MAST4: variants seen among roughly 807,000 people sequenced by gnomAD.
MAST4 encodes the protein microtubule-associated serine/threonine-protein kinase 4.
In MAST4, 89 loss-of-function variants were observed where a neutral mutation model predicts 162.7. That is an observed-to-expected ratio of 0.55 (90% CI 0.46 to 0.65). The LOEUF (loss-of-function observed/expected upper bound fraction) is 0.65, where lower values mean the gene tolerates loss of function less well. MAST4 is among the 30% of genes least tolerant of loss of function. The probability of loss-of-function intolerance (pLI) is 0.00; values close to 1 mark genes in which losing one functional copy is unlikely to be tolerated. For missense variants in MAST4, 3,153 were observed against 3,374.0 expected (o/e 0.93, Z 1.62); for synonymous variants, 1,479 against 1,361.1 (o/e 1.09, Z -1.91).
chr5:66,929,570 G>A (rs1833867), intron 4 of MAST4, among the ~76,000 whole-genome samples: 21,166 of 152,100 alleles, frequency 0.14, 2,717 homozygotes, highest in African/African-American at 0.34. Context: ...TAATGATAAA[G>A]CTCTGCTTTT....
intron 3 of MAST4, among the ~76,000 whole-genome samples, chr5:66,863,252 C>G (rs993384989): frequency 6.6e-6 from 1 of 152,212 alleles, no homozygotes; most frequent in Non-Finnish European, 1.5e-5. Flanking sequence ...AACTACTGTA[C>G]AGCTTCCCCG....
chr5:66,768,771 T>C (rs1361515463), intron 2 of MAST4, among the ~76,000 whole-genome samples: 1 of 152,214 alleles, frequency 6.6e-6, no homozygotes, highest in Non-Finnish European at 1.5e-5. Flanking sequence ...TTTTTCAAGA[T>C]GTTACCATTG....
intron 3 of MAST4, among the ~76,000 whole-genome samples, chr5:66,816,917 C>G (rs919167261): frequency 1.3e-5 from 2 of 152,010 alleles, no homozygotes; most frequent in Non-Finnish European, 2.9e-5. Context: ...TATAAAAGAC[C>G]CTCCAGTGAT....
chr5:67,154,836 A>G (rs1027262203), intron 26 of MAST4, among the ~76,000 whole-genome samples: 1 of 152,246 alleles, frequency 6.6e-6, no homozygotes, highest in Non-Finnish European at 1.5e-5. Flanking sequence ...CTTCCCAGTG[A>G]ACTGTGTAAT....
chr5:66,759,962 G>A, intron 2 of MAST4, 100 bp downstream of exon 2: 6 of 1,263,370 alleles, frequency 4.7e-6, no homozygotes, highest in Non-Finnish European at 5.4e-6. Context: ...TTAAGAATGG[G>A]CCTGCCTCTG....
chr5:66,731,162 CATAGGG>C (rs949593602), intron 1 of MAST4, among the ~76,000 whole-genome samples: 1 of 152,070 alleles, frequency 6.6e-6, no homozygotes, highest in African/African-American at 2.4e-5. Flanking sequence ...TTGGAGCTCC[CATAGGG>C]ATACACAATT....
At chr5:67,061,151 A>C (rs948315545) in intron 5 of MAST4, among the ~76,000 whole-genome samples, 2 of 140,224 alleles carry the variant, frequency 1.4e-5, no homozygotes, top group Non-Finnish European at 3.0e-5. Context: ...TTTTTCCTGT[A>C]TGTACTCTGT....
intron 1 of MAST4, among the ~76,000 whole-genome samples, chr5:66,641,006 C>G (rs1745455658): frequency 6.6e-6 from 1 of 152,138 alleles, no homozygotes; most frequent in African/African-American, 2.4e-5. Flanking sequence ...TGAATTTCCT[C>G]TTTTGAGACA....
At chr5:66,597,143 C>G in intron 1 of MAST4, 125 bp downstream of exon 1, 1 of 1,199,140 alleles carries the variant, frequency 8.3e-7, no homozygotes, top group Non-Finnish European at 1.0e-6. Context: ...ACCCCAAGCG[C>G]TCTGCCCCGA....
intron 4 of MAST4, among the ~76,000 whole-genome samples, chr5:67,045,308 A>G (rs1757229685): frequency 6.6e-6 from 1 of 152,206 alleles, no homozygotes; most frequent in Admixed American, 6.5e-5. Context: ...ACCAAGTGAT[A>G]CTGTGCTTGC....
chr5:66,653,629 G>A (rs1486611147), intron 1 of MAST4, among the ~76,000 whole-genome samples: 1 of 152,134 alleles, frequency 6.6e-6, no homozygotes, highest in Non-Finnish European at 1.5e-5. Flanking sequence ...GATGGGCCAG[G>A]GTGATTCACA....
In MAST4 at chr5:66,597,011, A is replaced by C; in HGVS notation, c.356A>C (p.Asp119Ala). The C allele has an allele frequency of 6.9e-7, 1 of 1,447,004 alleles. No homozygotes were observed. The highest frequency in any genetic ancestry group is 9.0e-7 in the Non-Finnish European group (1 of 1,106,230). 89.6% of individuals were successfully genotyped at this position (1,447,004 alleles called of 1,614,324 possible). The stretch of plus-strand genomic sequence containing the variant: ...AGCAGCGCGTCCCAGGAGGAGCAGG[A>C]CGAGGAGGTGGGCCTTTCCCCAGCT... ...RGSSASQEEQ[D>A]EELDHILSPP... The change falls in exon 1 of 29, where the codon GAC (aspartate) becomes GCC (alanine). Residue 119 changes from aspartate to alanine, a missense_variant. Physicochemically the swap from Asp to Ala is moderately radical, Grantham distance 126 (BLOSUM62 -2). Around this residue, in one of 7 missense-constraint regions of MAST4, gnomAD observed 327 missense variants for 336.5 expected, o/e 0.97. Coordinates refer to ENST00000403625, the MANE Select transcript of MAST4 (RefSeq NM_001164664.2).
chr5:66,694,562 C>G (rs1261328501), intron 1 of MAST4, among the ~76,000 whole-genome samples: 5 of 152,180 alleles, frequency 3.3e-5, no homozygotes, highest in African/African-American at 1.2e-4. Flanking sequence ...TCTCGGTTCA[C>G]TGCAACCTCT....
At chr5:67,150,594 A>G (rs1012691602) in intron 24 of MAST4, among the ~76,000 whole-genome samples, 1 of 152,172 alleles carries the variant, frequency 6.6e-6, no homozygotes, top group Non-Finnish European at 1.5e-5. Context: ...GGTAAGTTGG[A>G]TATGGGCCAG....
chr5:67,094,939 A>T (rs1377702175), intron 6 of MAST4, among the ~76,000 whole-genome samples: 2 of 152,204 alleles, frequency 1.3e-5, no homozygotes, highest in Admixed American at 1.3e-4. Context: ...GACTGGCCAG[A>T]GCTGGGCTGC....
At chr5:66,794,321 G>T (rs1223461808) in intron 3 of MAST4, among the ~76,000 whole-genome samples, 1 of 152,204 alleles carries the variant, frequency 6.6e-6, no homozygotes, top group African/African-American at 2.4e-5. Flanking sequence ...TGACTGTGTA[G>T]ACTTCAGCTT....
intron 4 of MAST4, among the ~76,000 whole-genome samples, chr5:66,988,546 C>G (rs1749753589): frequency 6.6e-6 from 1 of 152,160 alleles, no homozygotes; most frequent in Admixed American, 6.6e-5. Context: ...TAGCAACAGT[C>G]CTATGAGGTA....
chr5:66,845,515 T>C (rs1402027383), intron 3 of MAST4, among the ~76,000 whole-genome samples: 1 of 152,154 alleles, frequency 6.6e-6, no homozygotes, highest in Admixed American at 6.5e-5. Flanking sequence ...AGTCTATCAT[T>C]GATGGACATT....
intron 1 of MAST4, among the ~76,000 whole-genome samples, chr5:66,614,389 C>T (rs778543894): frequency 3.9e-5 from 6 of 152,196 alleles, no homozygotes; most frequent in Non-Finnish European, 8.8e-5. Flanking sequence ...ATCTTCTCTA[C>T]CTGGAGCTCA....
Sources: gnomAD v4.1 joint callset for allele counts (sites outside exome capture counted in the v4.1 genomes callset) on GRCh38, gnomAD v4.1.1 for gene constraint, gnomAD v4.1.1 regional missense constraint, MANE v1.5 for transcripts, NCBI Gene and HGNC (gene_info 2026-07-23, HGNC 2026-07-21) for gene names.